Variants in CMC1 observed in about 807,000 individuals in gnomAD.
CMC1 encodes C-X9-C motif containing 1, also known as COX assembly mitochondrial protein homolog.
Under a neutral mutation model 14.1 loss-of-function variants are expected in CMC1, and 14 were observed. That is an observed-to-expected ratio of 0.99 (90% CI 0.66 to 1.55). The LOEUF (loss-of-function observed/expected upper bound fraction) is 1.55, where lower values mean the gene tolerates loss of function less well. Among genes scored for constraint, CMC1 ranks in the 40% most tolerant of loss-of-function variants. The pLI is 0.00. For synonymous variants in CMC1, 50 were observed against 38.4 expected (o/e 1.30, Z -1.12); for missense variants, 127 against 123.8 (o/e 1.03, Z -0.12).
At chr3:28,284,788 A>G (rs935410480) in intron 2 of CMC1, among the ~76,000 whole-genome samples, 2 of 151,340 alleles carry the variant, frequency 1.3e-5, no homozygotes, top group African/African-American at 2.4e-5. Context: ...CCTTACTTCC[A>G]TCTTGGAGGT....
rs188124195 is a variant in CMC1, at chr3:28,244,199, G to A, written c.19+2387G>A. Among the ~76,000 whole-genome samples, 197 of 152,274 alleles carry A rather than the reference G, an allele frequency of 1.3e-3. 1 individual carries two copies. Among genetic ancestry groups the A allele is most frequent in the African/African-American group, 4.4e-3 (181 of 41,562 alleles). ...AAATGCCTTTAGAATCTTTTAAAGAGGGCAGTAACATAATTTATGTGTTTA... is the reference window on the plus strand; with the variant it reads ...AAATGCCTTTAGAATCTTTTAAAGAAGGCAGTAACATAATTTATGTGTTTA... On this transcript the variant is annotated intron_variant, in intron 1 of 3. Transcript: ENST00000466830.
intron 2 of CMC1, among the ~76,000 whole-genome samples, chr3:28,305,151 G>A (rs932524459): frequency 1.3e-5 from 2 of 152,056 alleles, no homozygotes; most frequent in African/African-American, 4.8e-5. Flanking sequence ...CATACCCATT[G>A]TTTAGCTCCT....
At chr3:28,317,057 A>T (rs1454540441) in intron 3 of CMC1, 1 of 152,086 alleles carries the variant, frequency 6.6e-6, no homozygotes, top group Non-Finnish European at 1.5e-5. Context: ...TTTAGTAAGT[A>T]TTGTTAATTG....
chr3:28,241,936 G>A, intron 1 of CMC1, 124 bp downstream of exon 1: 1 of 1,002,762 alleles, frequency 1.0e-6, no homozygotes, highest in Non-Finnish European at 1.3e-6. Context: ...TTCCACCAGC[G>A]TCTCCTCATA....
chr3:28,276,085 G>T (rs1183487127), intron 2 of CMC1, among the ~76,000 whole-genome samples: 1 of 152,090 alleles, frequency 6.6e-6, no homozygotes, highest in Non-Finnish European at 1.5e-5. Flanking sequence ...CCTCTCCCCG[G>T]GAACTCAGTA....
rs397973045 is a variant in CMC1 at position 28,244,952 on chromosome 3, G to GTT, written c.19+3154_19+3155dup. ...TCCAGAATAAAATGTATGGAAGCCAGTTTTTTTTTTTTTTTAATTTCGTGT... is the reference window on the plus strand; with the variant it reads ...TCCAGAATAAAATGTATGGAAGCCAGTTTTTTTTTTTTTTTTTAATTTCGTGT... On this transcript the variant is annotated intron_variant, in intron 1 of 3. Coordinates refer to ENST00000466830, the MANE Select transcript of CMC1 (RefSeq NM_182523.2). 3.2e-3 allele frequency among the ~76,000 whole-genome samples: 448 copies of GTT among 139,838 alleles called. 1 individual carries two copies. The highest frequency in any genetic ancestry group is 7.7e-3 in the African/African-American group (292 of 37,964). The allele number at this position is 139,838 out of a possible 152,430, so 91.7% of individuals were successfully genotyped here.
intron 2 of CMC1, among the ~76,000 whole-genome samples, chr3:28,311,604 C>T (rs1296510479): frequency 6.6e-6 from 1 of 152,174 alleles, no homozygotes; most frequent in Non-Finnish European, 1.5e-5. Context: ...CTCCTGTTGT[C>T]TTCAGGCACT....
intron 2 of CMC1, among the ~76,000 whole-genome samples, chr3:28,280,577 A>G (rs901363680): frequency 1.3e-5 from 2 of 152,198 alleles, no homozygotes; most frequent in African/African-American, 4.8e-5. Flanking sequence ...AAAATTCACA[A>G]AAATTCATAA....
intron 2 of CMC1, among the ~76,000 whole-genome samples, chr3:28,289,486 G>T (rs1041407834): frequency 2.6e-5 from 4 of 151,938 alleles, no homozygotes; most frequent in African/African-American, 9.7e-5. Flanking sequence ...CAATTTAGTT[G>T]CCATTTAGGG....
intron 1 of CMC1, among the ~76,000 whole-genome samples, chr3:28,252,413 T>C (rs1439742480): frequency 2.0e-5 from 3 of 152,190 alleles, no homozygotes; most frequent in Non-Finnish European, 4.4e-5. Context: ...TTATACAAAA[T>C]TAGATTGTTA....
intron 2 of CMC1, among the ~76,000 whole-genome samples, chr3:28,278,154 A>G (rs902308127): frequency 5.5e-5 from 6 of 110,048 alleles, no homozygotes; most frequent in African/African-American, 2.0e-4. Context: ...GAATGAGCAC[A>G]TTTGAGATAT....
At chr3:28,270,555 G>A (rs1700226760) in intron 2 of CMC1, among the ~76,000 whole-genome samples, 1 of 151,856 alleles carries the variant, frequency 6.6e-6, no homozygotes, top group African/African-American at 2.4e-5. Flanking sequence ...TAAAGGTCTT[G>A]AAAAGTGTCT....
In CMC1 at chr3:28,263,201, CTTTTA is replaced by C. The variant is rs1001203534; in HGVS notation, c.20-84_20-80del. 6.1e-5 allele frequency: 53 copies of C among 870,892 alleles called. No individual in the cohort carries two copies. The African/African-American group carries it at 7.9e-4, about 13-fold the overall frequency. 53.9% of individuals were successfully genotyped at this position (870,892 alleles called of 1,614,324 possible). A position where few individuals can be genotyped will look rare whatever the true frequency, so the allele number is the denominator to read the frequency against. On this transcript the variant is annotated intron_variant, in intron 1 of 3. Coordinates refer to ENST00000466830, the MANE Select transcript of CMC1 (RefSeq NM_182523.2). The stretch of plus-strand genomic sequence containing the variant: ...TAAGTTTTGAGTATATTTGCATAGG[CTTTTA>C]TTTTAAGTAAACCAGAGTCTTATTT...
intron 2 of CMC1, among the ~76,000 whole-genome samples, chr3:28,290,256 G>A (rs570981297): frequency 1.5e-4 from 23 of 151,810 alleles, no homozygotes; most frequent in African/African-American, 5.1e-4. Context: ...TTTTTGATCT[G>A]TTGCTTGATT....
At chr3:28,282,346 G>C (rs143987783) in intron 2 of CMC1, among the ~76,000 whole-genome samples, 4 of 152,314 alleles carry the variant, frequency 2.6e-5, no homozygotes, top group Non-Finnish European at 5.9e-5. Context: ...TTTATTCAGA[G>C]TGAGGCTGTT....
chr3:28,313,886 G>A (rs1157867608), intron 2 of CMC1, among the ~76,000 whole-genome samples: 1 of 152,210 alleles, frequency 6.6e-6, no homozygotes, highest in Non-Finnish European at 1.5e-5. Context: ...CGTTGTGTCT[G>A]TGTTTTCCGG....
At chr3:28,280,443 C>G (rs1202034871) in intron 2 of CMC1, among the ~76,000 whole-genome samples, 1 of 152,050 alleles carries the variant, frequency 6.6e-6, no homozygotes, top group East Asian at 1.9e-4. Flanking sequence ...ACTCTTATCA[C>G]ATGCATGATG....
At chr3:28,246,132 CG>C (rs1370866539) in intron 1 of CMC1, among the ~76,000 whole-genome samples, 2 of 151,250 alleles carry the variant, frequency 1.3e-5, no homozygotes, top group South Asian at 2.1e-4. Flanking sequence ...TTATTATTGC[CG>C]CCATATCTCT....
chr3:28,312,831 C>T (rs1702706072), intron 2 of CMC1, among the ~76,000 whole-genome samples: 1 of 151,912 alleles, frequency 6.6e-6, no homozygotes, highest in Non-Finnish European at 1.5e-5. Flanking sequence ...AATCTTGAGC[C>T]AAATTTAATT....
Sources: gnomAD v4.1 joint callset for allele counts (sites outside exome capture counted in the v4.1 genomes callset) on GRCh38, gnomAD v4.1.1 for gene constraint, MANE v1.5 for transcripts, NCBI Gene and HGNC (gene_info 2026-07-23, HGNC 2026-07-21) for gene names.